Variants in PCDHA6 observed in about 807,000 individuals in gnomAD.
PCDHA6 encodes the protein protocadherin alpha 6, also known as protocadherin alpha-6.
In PCDHA6, 55 loss-of-function variants were observed where a neutral mutation model predicts 60.3. That is an observed-to-expected ratio of 0.91 (90% confidence interval 0.73 to 1.14). PCDHA6 has a LOEUF of 1.14. PCDHA6 is among the 50% of genes most tolerant of loss of function. PCDHA6 has a pLI of 0.00. For missense variants in PCDHA6, 1,327 were observed against 1,256.5 expected (o/e 1.06, Z -0.85); for synonymous variants, 652 against 557.9 (o/e 1.17, Z -2.38).
intron 1 of PCDHA6, among the ~76,000 whole-genome samples, chr5:140,897,588 T>C (rs1554187466): frequency 6.6e-6 from 1 of 152,172 alleles, no homozygotes; most frequent in African/African-American, 2.4e-5. Flanking sequence ...CAGTCTGTCA[T>C]TGTTGGACAT....
chr5:140,971,468 A>C (rs938390548), intron 1 of PCDHA6, among the ~76,000 whole-genome samples: 7 of 152,174 alleles, frequency 4.6e-5, no homozygotes, highest in African/African-American at 7.2e-5. Context: ...AGTTATAGGG[A>C]GAGAGTGTCA....
At chr5:140,841,479 G>T (rs2150316299) in intron 1 of PCDHA6, 1 of 1,613,084 alleles carries the variant, frequency 6.2e-7, no homozygotes, top group Non-Finnish European at 8.5e-7. Context: ...CAGGACCTGG[G>T]GCTGGAGCTG....
chr5:141,009,720 C>G lies in PCDHA6; in HGVS notation c.2636C>G (p.Ser879Cys), dbSNP rs782119637. ...FKYGPGNPKQ[S>C]GPGELPDKFI... ...TACGGACCAGGCAACCCCAAACAAT[C>G]CGGTCCCGGTGAGTTGCCCGACAAA... The change falls in exon 4 of 4, where the codon TCC (serine) becomes TGC (cysteine). Residue 879 changes from serine to cysteine, a missense_variant. Transcript: ENST00000529310. 1 of 1,614,180 alleles carries G rather than the reference C, an allele frequency of 6.2e-7. No individual in the cohort carries two copies. The highest frequency in any genetic ancestry group is 2.2e-5 in the East Asian group (1 of 44,872).
At chr5:140,850,241 GCGGT>G in intron 1 of PCDHA6, 1 of 1,593,924 alleles carries the variant, frequency 6.3e-7, no homozygotes, top group Non-Finnish European at 8.6e-7. Context: ...AGATGGTGCT[GCGGT>G]CGGTGGGCGC....
chr5:140,863,248 G>C (rs782700291), intron 1 of PCDHA6: 8 of 1,396,066 alleles, frequency 5.7e-6, no homozygotes, highest in Middle Eastern at 1.9e-4. Context: ...TTTGGCGGGC[G>C]TCGAGGTCCG....
intron 1 of PCDHA6, chr5:140,863,499 T>G: frequency 2.3e-6 from 1 of 434,624 alleles, no homozygotes; most frequent in Non-Finnish European, 4.6e-6. Context: ...CATTACGGCT[T>G]TTAGTCCTAG....
intron 1 of PCDHA6, chr5:140,927,184 G>A (rs781951426): frequency 1.2e-6 from 2 of 1,614,160 alleles, no homozygotes; most frequent in South Asian, 1.1e-5. Context: ...CTTGACCTAC[G>A]ACCTGGTGCT....
At chr5:140,915,995 C>T (rs1256886751) in intron 1 of PCDHA6, among the ~76,000 whole-genome samples, 4 of 152,180 alleles carry the variant, frequency 2.6e-5, no homozygotes, top group African/African-American at 4.8e-5. Context: ...TAAGCTGGCA[C>T]TCAAACCACA....
chr5:140,854,990 G>A (rs2043295354), intron 1 of PCDHA6, among the ~76,000 whole-genome samples: 1 of 149,498 alleles, frequency 6.7e-6, no homozygotes, highest in African/African-American at 2.5e-5. Context: ...GATTCTTTTT[G>A]CCCGTGTAAG....
intron 1 of PCDHA6, chr5:140,850,766 G>T: frequency 6.3e-7 from 1 of 1,598,074 alleles, no homozygotes; most frequent in Non-Finnish European, 8.6e-7. Context: ...GGAGGCAGAG[G>T]GTGTGCTCTG....
intron 1 of PCDHA6, among the ~76,000 whole-genome samples, chr5:140,845,729 T>C (rs952746067): frequency 6.7e-6 from 1 of 149,682 alleles, no homozygotes; most frequent in Non-Finnish European, 1.5e-5. Flanking sequence ...TAAATGTGAA[T>C]TCTACTTTAT....
chr5:140,906,824 G>A (rs2072970432), intron 1 of PCDHA6, among the ~76,000 whole-genome samples: 1 of 152,216 alleles, frequency 6.6e-6, no homozygotes, highest in African/African-American at 2.4e-5. Flanking sequence ...CTGTGGAGTA[G>A]TAGACTGATT....
intron 3 of PCDHA6, among the ~76,000 whole-genome samples, chr5:140,992,926 A>C (rs2097533873): frequency 6.6e-6 from 1 of 152,226 alleles, no homozygotes; most frequent in African/African-American, 2.4e-5. Context: ...CCATACTTAC[A>C]GCAGCTCTGA....
At chr5:140,882,648 A>C in intron 1 of PCDHA6, 1 of 1,614,216 alleles carries the variant, frequency 6.2e-7, no homozygotes, top group Non-Finnish European at 8.5e-7. Context: ...AGGGACATTA[A>C]CGACAACCCG....
Position 140,829,328 on chromosome 5 carries a change from C to G in PCDHA6, c.1237C>G (p.Leu413Val), listed in dbSNP as rs2150165969. 2.5e-6 allele frequency: 4 copies of G among 1,614,244 alleles called. No individual in the cohort carries two copies. In the Admixed American group the frequency reaches 6.7e-5, roughly 27 times the overall value. ...NYYSLVLDSA[L>V]DRESVSAYEL... ...CTACTCGTTGGTGCTGGACAGTGCC[C>G]TGGACCGCGAGAGCGTGTCGGCCTA... Residue 413 changes from leucine to valine, a missense_variant, in exon 1 of 4, where the codon CTG (leucine) becomes GTG (valine). Coordinates refer to ENST00000529310, the MANE Select transcript of PCDHA6 (RefSeq NM_018909.4).
chr5:140,964,133 G>A (rs2095812042), intron 1 of PCDHA6, among the ~76,000 whole-genome samples: 1 of 152,182 alleles, frequency 6.6e-6, no homozygotes, highest in African/African-American at 2.4e-5. Context: ...AACTAGTAAG[G>A]TTGGCAGGAG....
chr5:140,981,985 G>C (rs1554243637), intron 2 of PCDHA6, among the ~76,000 whole-genome samples: 1 of 152,162 alleles, frequency 6.6e-6, no homozygotes, highest in Non-Finnish European at 1.5e-5. Context: ...GAGTAAAATA[G>C]AAAATAAGGT....
At position 140,850,229 on chromosome 5, in the gene PCDHA6, C is replaced by G. The variant is rs2150474580; in HGVS notation, c.2394+19744C>G. ...TGAGGGGCACTGACGGCGCAGTGAGCGAGATGGTGCTGCGGTCGGTGGGCG... is the reference window on the plus strand; with the variant it reads ...TGAGGGGCACTGACGGCGCAGTGAGGGAGATGGTGCTGCGGTCGGTGGGCG... On this transcript the variant is annotated intron_variant, in intron 1 of 3. Transcript: ENST00000529310. The G allele has an allele frequency of 9.4e-6, 15 of 1,593,582 alleles. No individual in the cohort carries two copies. In the East Asian group the frequency reaches 3.3e-4, roughly 36 times the overall value.
chr5:140,848,592 T>C, intron 1 of PCDHA6: 1 of 1,594,614 alleles, frequency 6.3e-7, no homozygotes, highest in Non-Finnish European at 8.6e-7. Context: ...CCAGCTCCAC[T>C]ACTCCGTCCC....
Sources: gnomAD v4.1 joint callset for allele counts (sites outside exome capture counted in the v4.1 genomes callset) on GRCh38, gnomAD v4.1.1 for gene constraint, MANE v1.5 for transcripts, NCBI Gene and HGNC (gene_info 2026-07-23, HGNC 2026-07-21) for gene names.